The following DNAAF9 variants were observed in gnomAD, a reference collection of about 807,000 sequenced individuals.
The protein encoded by DNAAF9 is dynein axonemal assembly factor 9.
A neutral mutation model predicts 167.0 loss-of-function variants in DNAAF9; 90 were observed. The ratio of observed to expected loss-of-function variants is 0.54; its 90% CI spans 0.45 to 0.64. The LOEUF is 0.64. DNAAF9 is among the 30% of genes least tolerant of loss of function. DNAAF9 has a pLI of 0.00. For synonymous variants in DNAAF9, 491 were observed against 508.8 expected (o/e 0.96, Z 0.47); for missense variants, 1,315 against 1,442.2 (o/e 0.91, Z 1.43).
At chr20:3,296,670 T>C (rs1001780190) in intron 23 of DNAAF9, 191 bp downstream of exon 23, 16 of 593,240 alleles carry the variant, frequency 2.7e-5, no homozygotes, top group Admixed American at 3.0e-5. Context: ...TGTGAGGCAC[T>C]GCACATGGCC....
intron 1 of DNAAF9, among the ~76,000 whole-genome samples, chr20:3,383,826 T>C (rs1312076979): frequency 2.7e-5 from 4 of 147,772 alleles, no homozygotes; most frequent in African/African-American, 1.0e-4. Flanking sequence ...TGAAATGGAC[T>C]CTCACTCTGT....
intron 17 of DNAAF9, among the ~76,000 whole-genome samples, chr20:3,318,027 C>T (rs2069535818): frequency 6.6e-6 from 1 of 151,234 alleles, no homozygotes; most frequent in Admixed American, 6.6e-5. Context: ...TATTGGGTAG[C>T]TTATCTTTTC....
At chr20:3,362,718 G>A (rs1376514836) in intron 6 of DNAAF9, among the ~76,000 whole-genome samples, 1 of 152,138 alleles carries the variant, frequency 6.6e-6, no homozygotes, top group African/African-American at 2.4e-5. Flanking sequence ...CTAGGGGGAA[G>A]GAGAAGACAA....
chr20:3,349,297 G>A (rs955477550), intron 7 of DNAAF9, among the ~76,000 whole-genome samples: 1 of 151,736 alleles, frequency 6.6e-6, no homozygotes, highest in African/African-American at 2.4e-5. Flanking sequence ...CGGGAGGATT[G>A]CTTGAGCCCA....
chr20:3,330,746 G>A (rs2069811217), intron 11 of DNAAF9, 64 bp from the exon 12 acceptor site: 3 of 908,196 alleles, frequency 3.3e-6, no homozygotes, highest in Non-Finnish European at 5.2e-6. Flanking sequence ...TAACAAGGAA[G>A]CTAGAAATGC....
intron 10 of DNAAF9, among the ~76,000 whole-genome samples, chr20:3,335,421 T>G (rs2069918411): frequency 6.6e-6 from 1 of 152,212 alleles, no homozygotes; most frequent in Non-Finnish European, 1.5e-5. Context: ...CACTTCCTTC[T>G]GGCCTTCATG....
chr20:3,252,446 C>A lies in DNAAF9; in HGVS notation c.*126G>T. On this transcript the variant is annotated 3_prime_UTR_variant, in exon 37 of 37. Coordinates refer to ENST00000252032, the MANE Select transcript of DNAAF9 (RefSeq NM_001009984.3). The stretch of plus-strand genomic sequence containing the variant: ...AAGACAACATGCACTCAAGCCAGCC[C>A]ACACAGGCCAAGGAGAACAAAGACA... 1 of 663,812 alleles carries A rather than the reference C, an allele frequency of 1.5e-6. No individual in the cohort carries two copies. The highest frequency in any genetic ancestry group is 2.6e-5 in the East Asian group (1 of 38,562). 41.1% of individuals were successfully genotyped at this position (663,812 alleles called of 1,614,324 possible). A position where few individuals can be genotyped will look rare whatever the true frequency, so the allele number is the denominator to read the frequency against.
chr20:3,302,090 G>C (rs2069199528), intron 21 of DNAAF9, among the ~76,000 whole-genome samples: 1 of 151,920 alleles, frequency 6.6e-6, no homozygotes, highest in East Asian at 1.9e-4. Context: ...TTACAGGCAT[G>C]CACCACCACG....
chr20:3,291,348 T>G (rs1327676616), intron 25 of DNAAF9, among the ~76,000 whole-genome samples: 16 of 149,842 alleles, frequency 1.1e-4, no homozygotes, highest in Non-Finnish European at 2.4e-4. Flanking sequence ...TTTTTTTGTT[T>G]TTTTTTTTTT....
intron 1 of DNAAF9, among the ~76,000 whole-genome samples, chr20:3,394,954 T>TC (rs2083882071): frequency 4.0e-5 from 1 of 24,798 alleles, no homozygotes; most frequent in Non-Finnish European, 7.4e-5. Context: ...TTTTTCTTTT[T>TC]TTTTTTTTTT....
chr20:3,372,640 C>A (rs567638297), intron 6 of DNAAF9, among the ~76,000 whole-genome samples: 127 of 152,318 alleles, frequency 8.3e-4, no homozygotes, highest in African/African-American at 3.0e-3. Context: ...TGCACTTCTT[C>A]CAATGTGATT....
intron 20 of DNAAF9, among the ~76,000 whole-genome samples, chr20:3,305,264 CTGGGCCTGGGCTTGCTTTGGAG>C (rs2122990616): frequency 1.3e-5 from 2 of 152,194 alleles, no homozygotes; most frequent in Non-Finnish European, 2.9e-5. Context: ...AAGATTAATG[CTGGGCCTGGGCTTGCTTTGGAG>C]ACACAAAAGC....
At chr20:3,353,045 T>C (rs1173590956) in intron 7 of DNAAF9, among the ~76,000 whole-genome samples, 1 of 149,290 alleles carries the variant, frequency 6.7e-6, no homozygotes, top group Non-Finnish European at 1.5e-5. Context: ...CCTCAATATG[T>C]AAATATATGT....
chr20:3,391,730 G>A (rs1186034523), intron 1 of DNAAF9, among the ~76,000 whole-genome samples: 3 of 151,884 alleles, frequency 2.0e-5, no homozygotes, highest in Admixed American at 6.6e-5. Flanking sequence ...ACAGGCATGC[G>A]CAACCACGCC....
Position 3,294,605 on chromosome 20 carries a change from G to C in DNAAF9, c.2043C>G (p.Phe681Leu). 1 of 1,613,158 alleles carries C rather than the reference G, an allele frequency of 6.2e-7. No individual in the cohort carries two copies. Among genetic ancestry groups the C allele is most frequent in the South Asian group, 1.1e-5 (1 of 91,066 alleles). The change falls in exon 24 of 37, where the codon TTC becomes TTG. Residue 681 changes from phenylalanine to leucine, a missense_variant. This residue lies in a region of DNAAF9 where 981 missense variants were observed against 1,012.5 expected (regional missense o/e 0.97). Transcript: ENST00000252032. ...KRLHSSAQKL[F>L]SALSQPAGEK... ...CCCCAGCAGGCTGGCTCAGGGCACT[G>C]AAGAGCTTCTGTGCACTGGAGTGCC...
Position 3,342,850 on chromosome 20 carries a change from A to G in DNAAF9, c.845+826T>C, listed in dbSNP as rs75450463. ...TCATGACAAAAGAGATGTGGGAGAA[A>G]ACACTTTCGAACCCTCATTGAACCC... is the stretch of plus-strand genomic sequence containing the variant. On this transcript the variant is annotated intron_variant, in intron 9 of 36. Transcript: ENST00000252032. 5.4e-3 allele frequency among the ~76,000 whole-genome samples: 827 copies of G among 152,248 alleles called. 2 individuals are homozygous for G. The highest frequency in any genetic ancestry group is 6.8e-3 in the Middle Eastern group (2 of 294).
In DNAAF9 at chr20:3,256,136, G is replaced by A. The variant is rs1568559339; in HGVS notation, c.3131C>T (p.Pro1044Leu). The A allele has an allele frequency of 2.5e-6, 4 of 1,614,160 alleles. No homozygotes were observed. The highest frequency in any genetic ancestry group is 3.4e-6 in the Non-Finnish European group (4 of 1,180,012). The change falls in exon 34 of 37, where the codon CCC becomes CTC. Residue 1044 changes from proline to leucine, a missense_variant. Transcript: ENST00000252032. ...GCTTTTGGAGTCTGGTGGTGGTGTG[G>A]GTCCTTCCAAAACTGGCATGATGCT... ...SLSIMPVLEG[P>L]TPPPDSKSVS...
At chr20:3,378,039 G>A (rs1167916900) in intron 3 of DNAAF9, among the ~76,000 whole-genome samples, 3 of 152,196 alleles carry the variant, frequency 2.0e-5, no homozygotes, top group Non-Finnish European at 2.9e-5. Flanking sequence ...ATGGCCCTCT[G>A]GGTCTGGCAA....
intron 1 of DNAAF9, among the ~76,000 whole-genome samples, chr20:3,406,572 G>A (rs954908822): frequency 4.6e-5 from 7 of 152,010 alleles, no homozygotes; most frequent in Admixed American, 6.6e-5. Context: ...ACAATGCCCA[G>A]ACCAACAAGA....
Sources: allele counts gnomAD v4.1 joint callset (sites outside exome capture counted in the v4.1 genomes callset), GRCh38; gene constraint gnomAD v4.1.1; regional missense constraint gnomAD v4.1.1; transcripts MANE v1.5; gene names NCBI Gene and HGNC (gene_info 2026-07-23, HGNC 2026-07-21).